The following GPR176 variants were observed in gnomAD, a reference collection of about 807,000 sequenced individuals.
GPR176 encodes G protein-coupled receptor 176, also known as G-protein coupled receptor 176.
Under a neutral mutation model 35.4 loss-of-function variants are expected in GPR176, and 26 were observed. The observed-to-expected ratio is 0.74, with a 90% CI of 0.54 to 1.02. The LOEUF is 1.02. Among genes scored for constraint, GPR176 ranks in the 50% least tolerant of loss-of-function variants. GPR176 has a pLI of 0.00. For synonymous variants in GPR176, 278 were observed against 271.3 expected (o/e 1.02, Z -0.24); for missense variants, 597 against 665.3 (o/e 0.90, Z 1.13).
chr15:39,877,565 T>C (rs1001654070), intron 1 of GPR176, among the ~76,000 whole-genome samples: 1 of 105,186 alleles, frequency 9.5e-6, no homozygotes, highest in African/African-American at 3.5e-5. Context: ...TTTTTTTTTT[T>C]TGTTTGTTTG....
Position 39,806,970 on chromosome 15 carries a change from A to T in GPR176, c.425+36T>A, listed in dbSNP as rs753774073. ...TGATGCTAATTTTTTAATACAACTT[A>T]AAAAAAAAAGTTAGCTCCTGGCTAC... On this transcript the variant is annotated intron_variant, in intron 2 of 2. Coordinates refer to ENST00000561100, the MANE Select transcript of GPR176 (RefSeq NM_007223.3). 5 of 1,337,260 alleles carry T rather than the reference A, an allele frequency of 3.7e-6. No individual in the cohort carries two copies. The South Asian group carries it at 7.6e-5, about 20-fold the overall frequency. The allele number at this position is 1,337,260 out of a possible 1,614,324, so 82.8% of individuals were successfully genotyped here. A position where few individuals can be genotyped will look rare whatever the true frequency, so the allele number is the denominator to read the frequency against.
intron 1 of GPR176, among the ~76,000 whole-genome samples, chr15:39,916,745 T>C (rs918364978): frequency 7.9e-5 from 12 of 152,232 alleles, no homozygotes; most frequent in African/African-American, 2.9e-4. Context: ...TTTTTCCAGG[T>C]ACTATTCCAT....
At chr15:39,843,641 C>T (rs1227153015) in intron 1 of GPR176, among the ~76,000 whole-genome samples, 1 of 152,120 alleles carries the variant, frequency 6.6e-6, no homozygotes, top group Admixed American at 6.6e-5. Context: ...AAGCCACATT[C>T]CCAGCTAAGA....
chr15:39,837,532 C>G (rs1164125406), intron 1 of GPR176, among the ~76,000 whole-genome samples: 1 of 152,134 alleles, frequency 6.6e-6, no homozygotes. Context: ...TTCCACAGAT[C>G]CCATGCAAAT....
intron 1 of GPR176, among the ~76,000 whole-genome samples, chr15:39,820,401 A>C (rs1004363103): frequency 4.6e-5 from 7 of 152,172 alleles, no homozygotes; most frequent in African/African-American, 1.7e-4. Flanking sequence ...CAGCCAGCTC[A>C]ATAAGAGAAT....
At chr15:39,915,927 G>A (rs2033716089) in intron 1 of GPR176, among the ~76,000 whole-genome samples, 1 of 152,198 alleles carries the variant, frequency 6.6e-6, no homozygotes, top group Non-Finnish European at 1.5e-5. Context: ...ATACATACTT[G>A]TGGGTTATTG....
intron 1 of GPR176, among the ~76,000 whole-genome samples, chr15:39,836,695 C>T (rs1595465357): frequency 6.6e-6 from 1 of 152,144 alleles, no homozygotes; most frequent in African/African-American, 2.4e-5. Flanking sequence ...GGGGACAGGG[C>T]TATAAAGTTC....
intron 1 of GPR176, chr15:39,807,535 TCATCAGTGTATAAA>T (rs1433175798): frequency 1.3e-6 from 2 of 1,514,628 alleles, no homozygotes; most frequent in Non-Finnish European, 1.8e-6. Context: ...TGGCTTAGTC[TCATCAGTGTATAAA>T]CAATTTGCTA....
intron 1 of GPR176, among the ~76,000 whole-genome samples, chr15:39,875,647 C>T (rs1595499383): frequency 6.6e-6 from 1 of 152,190 alleles, no homozygotes; most frequent in East Asian, 1.9e-4. Context: ...TTGGTCAAAT[C>T]CTGACTTGCA....
At chr15:39,914,132 A>G (rs2033660808) in intron 1 of GPR176, among the ~76,000 whole-genome samples, 1 of 152,134 alleles carries the variant, frequency 6.6e-6, no homozygotes, top group Non-Finnish European at 1.5e-5. Flanking sequence ...ATTTTATCTC[A>G]ATAAAGCTTT....
At chr15:39,893,902 TG>T (rs2140862207) in intron 1 of GPR176, among the ~76,000 whole-genome samples, 2 of 108,878 alleles carry the variant, frequency 1.8e-5, no homozygotes, top group Admixed American at 9.3e-5. Flanking sequence ...CTGGCCGGGT[TG>T]GGGGCTGACC....
intron 1 of GPR176, among the ~76,000 whole-genome samples, chr15:39,899,911 T>C (rs193148465): frequency 7.9e-5 from 12 of 152,272 alleles, no homozygotes; most frequent in African/African-American, 2.9e-4. Context: ...CATCCTAGAT[T>C]CTAGCAGGTC....
Position 39,801,791 on chromosome 15 carries a change from T to C in GPR176, c.889A>G (p.Thr297Ala), listed in dbSNP as rs1338861031. Reference protein sequence around the residue: ...VYQTVLNVPDTSVFLLLTAVW... With the variant: ...VYQTVLNVPDASVFLLLTAVW... ...GCAGTGAGCAGCAAGAAGACGGAAG[T>C]GTCAGGGACATTGAGCACAGTCTGG... The change falls in exon 3 of 3, where the codon ACT (threonine) becomes GCT (alanine). Residue 297 changes from threonine to alanine, a missense_variant. Physicochemically the swap from Thr to Ala is moderately conservative, Grantham distance 58. Around this residue, in one of 3 missense-constraint regions of GPR176, gnomAD observed 220 missense variants for 297.6 expected, o/e 0.74. Coordinates refer to ENST00000561100, the MANE Select transcript of GPR176 (RefSeq NM_007223.3). The C allele has an allele frequency of 1.9e-6, 3 of 1,613,716 alleles. No individual in the cohort carries two copies. In the African/African-American group the frequency reaches 4.0e-5, roughly 22 times the overall value.
intron 1 of GPR176, among the ~76,000 whole-genome samples, chr15:39,832,874 G>A (rs899061286): frequency 6.6e-6 from 1 of 152,088 alleles, no homozygotes; most frequent in Non-Finnish European, 1.5e-5. Context: ...TAATCACAGT[G>A]CATGACTCTG....
At chr15:39,837,336 G>A (rs913819886) in intron 1 of GPR176, among the ~76,000 whole-genome samples, 1 of 152,140 alleles carries the variant, frequency 6.6e-6, no homozygotes, top group African/African-American at 2.4e-5. Flanking sequence ...ATTGCAGGTT[G>A]GGTTCTAGCT....
intron 1 of GPR176, among the ~76,000 whole-genome samples, chr15:39,890,074 T>C (rs189219963): frequency 6.6e-6 from 1 of 152,312 alleles, no homozygotes; most frequent in East Asian, 1.9e-4. Context: ...ATCATCATTT[T>C]CAATATGATG....
chr15:39,857,697 G>A (rs964302691), intron 1 of GPR176, among the ~76,000 whole-genome samples: 7 of 151,362 alleles, frequency 4.6e-5, no homozygotes, highest in African/African-American at 1.5e-4. Flanking sequence ...GGCAGGGCGC[G>A]GTGGCTTGTG....
Position 39,890,984 on chromosome 15 carries a change from G to T in GPR176, c.172+28871C>A, listed in dbSNP as rs191855072. Among the ~76,000 whole-genome samples, 37 of 152,210 alleles carry T rather than the reference G, an allele frequency of 2.4e-4. 2 individuals are homozygous for T. The East Asian group carries it at 7.1e-3, about 29-fold the overall frequency. On this transcript the variant is annotated intron_variant, in intron 1 of 2. Transcript: ENST00000561100. ...AGGGGGAGGTAGCAGTGTTGCCTTG[G>T]GCCTCTTTTTGAAGAGGTAGAGAAG... is the stretch of plus-strand genomic sequence containing the variant.
chr15:39,914,525 G>A (rs776992245), intron 1 of GPR176, among the ~76,000 whole-genome samples: 2 of 152,034 alleles, frequency 1.3e-5, no homozygotes, highest in Non-Finnish European at 2.9e-5. Context: ...ATGTTGGCCA[G>A]GCTGGTCTCG....
Sources: gnomAD v4.1 joint callset for allele counts (sites outside exome capture counted in the v4.1 genomes callset) on GRCh38, gnomAD v4.1.1 for gene constraint, gnomAD v4.1.1 regional missense constraint, MANE v1.5 for transcripts, NCBI Gene and HGNC (gene_info 2026-07-23, HGNC 2026-07-21) for gene names.